TRPC6: variants seen among roughly 807,000 people sequenced by gnomAD.
TRPC6 encodes short transient receptor potential channel 6.
Under a neutral mutation model 90.7 loss-of-function variants are expected in TRPC6, and 55 were observed. The observed-to-expected ratio is 0.61, with a 90% CI of 0.49 to 0.76. The LOEUF is 0.76. Ranked by LOEUF, TRPC6 falls within the 30% of genes least tolerant of loss-of-function variation. The pLI is 0.00. For synonymous variants in TRPC6, 393 were observed against 393.0 expected (o/e 1.00, Z 0.00); for missense variants, 989 against 1,122.7 (o/e 0.88, Z 1.70).
chr11:101,561,950 G>A (rs759284795), intron 1 of TRPC6, among the ~76,000 whole-genome samples: 3 of 151,898 alleles, frequency 2.0e-5, no homozygotes, highest in East Asian at 1.9e-4. Flanking sequence ...CATTTTAAGA[G>A]TTTGGTTCTT....
intron 1 of TRPC6, among the ~76,000 whole-genome samples, chr11:101,521,919 T>A (rs1008518238): frequency 6.6e-6 from 1 of 152,246 alleles, no homozygotes; most frequent in Non-Finnish European, 1.5e-5. Context: ...ACCCAATGCC[T>A]GTACCCCTGT....
At chr11:101,501,080 AATACATACATACATACATACATAC>A (rs60962933) in intron 2 of TRPC6, among the ~76,000 whole-genome samples, 1 of 145,926 alleles carries the variant, frequency 6.9e-6, no homozygotes, top group Non-Finnish European at 1.5e-5. Flanking sequence ...AAGGGAGCAA[AATACATACATACATACATACATAC>A]ATACATACAT....
intron 1 of TRPC6, among the ~76,000 whole-genome samples, chr11:101,506,682 T>TA (rs1253737313): frequency 6.6e-6 from 1 of 152,170 alleles, no homozygotes; most frequent in Non-Finnish European, 1.5e-5. Context: ...TAATAATTTC[T>TA]AAAATGGGTC....
At chr11:101,525,668 GAC>G (rs1176688727) in intron 1 of TRPC6, among the ~76,000 whole-genome samples, 1 of 152,214 alleles carries the variant, frequency 6.6e-6, no homozygotes, top group Non-Finnish European at 1.5e-5. Context: ...GATACACTTT[GAC>G]AGTCAAGTAC....
At chr11:101,580,574 A>G (rs1301863181) in intron 1 of TRPC6, among the ~76,000 whole-genome samples, 1 of 147,958 alleles carries the variant, frequency 6.8e-6, no homozygotes, top group Non-Finnish European at 1.5e-5. Context: ...AAGCCCCATA[A>G]ATATAAATAA....
At chr11:101,567,147 T>C (rs1333785575) in intron 1 of TRPC6, among the ~76,000 whole-genome samples, 4 of 151,606 alleles carry the variant, frequency 2.6e-5, no homozygotes, top group Admixed American at 6.6e-5. Flanking sequence ...AACACAGCAG[T>C]CTGAGATCAC....
At chr11:101,582,985 C>G (rs934913870) in intron 1 of TRPC6, among the ~76,000 whole-genome samples, 4 of 152,166 alleles carry the variant, frequency 2.6e-5, no homozygotes, top group African/African-American at 9.7e-5. Context: ...CCGCCTGTTA[C>G]GTAGCGATCC....
chr11:101,516,558 A>G (rs1410081419), intron 1 of TRPC6, among the ~76,000 whole-genome samples: 1 of 152,226 alleles, frequency 6.6e-6, no homozygotes, highest in Non-Finnish European at 1.5e-5. Context: ...AATACAAATT[A>G]GCTCAAAAAA....
At chr11:101,550,571 A>C (rs1395499384) in intron 1 of TRPC6, among the ~76,000 whole-genome samples, 1 of 151,826 alleles carries the variant, frequency 6.6e-6, no homozygotes, top group East Asian at 1.9e-4. Context: ...TAAAGAAAAA[A>C]TAATTTCAAC....
At chr11:101,579,158 G>A (rs534616846) in intron 1 of TRPC6, among the ~76,000 whole-genome samples, 32 of 152,046 alleles carry the variant, frequency 2.1e-4, no homozygotes, top group African/African-American at 6.7e-4. Flanking sequence ...TATTTTTTAT[G>A]TCTCTGCATT....
At chr11:101,498,566 G>C (rs749699161) in intron 2 of TRPC6, among the ~76,000 whole-genome samples, 15 of 152,016 alleles carry the variant, frequency 9.9e-5, no homozygotes, top group Non-Finnish European at 2.1e-4. Flanking sequence ...CGTCTCCCAT[G>C]GTCTCTTTTG....
chr11:101,570,451 G>A (rs1861936681), intron 1 of TRPC6, among the ~76,000 whole-genome samples: 1 of 152,164 alleles, frequency 6.6e-6, no homozygotes, highest in Non-Finnish European at 1.5e-5. Context: ...AGTACAAAGA[G>A]GAGCTGGTAC....
Position 101,529,483 on chromosome 11 carries a change from T to C in TRPC6, c.171-24685A>G, listed in dbSNP as rs547435834. On this transcript the variant is annotated intron_variant, in intron 1 of 12. Coordinates refer to ENST00000344327, the MANE Select transcript of TRPC6 (RefSeq NM_004621.6). ...CTTTAACTAGGACTTCGGACATACA[T>C]AGTACTTCAAAATTGTTTGTTTTAA... Among the ~76,000 whole-genome samples the C allele has an allele frequency of 1.6e-4, 24 of 152,210 alleles. 1 individual carries two copies. Among genetic ancestry groups the C allele is most frequent in the Non-Finnish European group, 3.1e-4 (21 of 68,044 alleles).
rs367594280 is a variant in TRPC6, at chr11:101,455,338, G to GGCT, written c.2485-240_2485-238dup. ...GTCTGAGGAGTCTCTTAGACTTTGT[G>GGCT]GCTGCCAATCACGTTGTCATGAGAA... On this transcript the variant is annotated intron_variant, in intron 10 of 12. Transcript: ENST00000344327. 1,365 of 439,096 alleles carry GGCT rather than the reference G, an allele frequency of 3.1e-3. 10 individuals are homozygous for GGCT. Among genetic ancestry groups the GGCT allele is most frequent in the African/African-American group, 0.025 (1,263 of 49,698 alleles). The allele number at this position is 439,096 out of a possible 1,614,324, so 27.2% of individuals were successfully genotyped here. A position where few individuals can be genotyped will look rare whatever the true frequency, so the allele number is the denominator to read the frequency against.
At chr11:101,495,375 T>C (rs1347297632) in intron 2 of TRPC6, among the ~76,000 whole-genome samples, 3 of 152,126 alleles carry the variant, frequency 2.0e-5, no homozygotes, top group African/African-American at 7.2e-5. Context: ...ATGTCTTGAT[T>C]CTCAGTAATC....
intron 1 of TRPC6, among the ~76,000 whole-genome samples, chr11:101,507,866 A>G (rs1232122185): frequency 6.6e-6 from 1 of 151,898 alleles, no homozygotes; most frequent in African/African-American, 2.4e-5. Flanking sequence ...TTATCTGATC[A>G]TTTTGTTTTC....
rs544792763 is a variant in TRPC6 at position 101,481,928 on chromosome 11, C to T, written c.1510+1021G>A. ...CCTAACTCATCATATTTCGAGTGTG[C>T]GAGGTATTGCCATAGTTCCACATCT... On this transcript the variant is annotated intron_variant, in intron 5 of 12. Coordinates refer to ENST00000344327, the MANE Select transcript of TRPC6 (RefSeq NM_004621.6). 3.3e-5 allele frequency among the ~76,000 whole-genome samples: 5 copies of T among 152,268 alleles called. No individual in the cohort carries two copies. In the South Asian group the frequency reaches 8.3e-4, roughly 25 times the overall value.
chr11:101,488,843 T>G, intron 4 of TRPC6, 94 bp downstream of exon 4: 2 of 1,405,442 alleles, frequency 1.4e-6, no homozygotes, highest in Non-Finnish European at 2.0e-6. Context: ...AACCCAACTG[T>G]GATTCCCTGA....
chr11:101,478,328 T>C (rs1859461605), intron 5 of TRPC6, among the ~76,000 whole-genome samples: 1 of 152,086 alleles, frequency 6.6e-6, no homozygotes, highest in African/African-American at 2.4e-5. Flanking sequence ...GGGATCAAAT[T>C]TGTAACAGGA....
Sources: allele counts gnomAD v4.1 joint callset (sites outside exome capture counted in the v4.1 genomes callset), GRCh38; gene constraint gnomAD v4.1.1; transcripts MANE v1.5; gene names NCBI Gene and HGNC (gene_info 2026-07-23, HGNC 2026-07-21).